The following PLEKHG4B variants were observed in gnomAD, a reference collection of about 807,000 sequenced individuals.
PLEKHG4B encodes the protein pleckstrin homology domain-containing family G member 4B.
Under a neutral mutation model 121.3 loss-of-function variants are expected in PLEKHG4B, and 111 were observed. That is an observed-to-expected ratio of 0.92 (90% CI 0.78 to 1.07). The LOEUF is 1.07. PLEKHG4B is among the 50% of genes least tolerant of loss of function. The probability of loss-of-function intolerance (pLI) is 0.00; values close to 1 mark genes in which losing one functional copy is unlikely to be tolerated. For synonymous variants in PLEKHG4B, 738 were observed against 725.0 expected (o/e 1.02, Z -0.29); for missense variants, 1,831 against 1,757.8 (o/e 1.04, Z -0.74).
intron 14 of PLEKHG4B, 104 bp downstream of exon 14, chr5:169,696 T>C: frequency 6.7e-7 from 1 of 1,498,464 alleles, no homozygotes; most frequent in Non-Finnish European, 8.9e-7. Flanking sequence ...TGGAATAGCT[T>C]CAGTCCAGGT....
In PLEKHG4B at chr5:171,095, A is replaced by C; in HGVS notation, c.3782A>C (p.Asp1261Ala). ...VIYSKNKPQS[D>A]ALLSSHGNAF... ...TACAGCAAAAACAAGCCGCAGTCGGATGCCCTGCTCAGCAGCCATGGCAAC... is the reference window on the plus strand; with the variant it reads ...TACAGCAAAAACAAGCCGCAGTCGGCTGCCCTGCTCAGCAGCCATGGCAAC... The change falls in exon 15 of 20, where the codon GAT (aspartate) becomes GCT (alanine). Residue 1261 changes from aspartate (D) to alanine (A), a missense_variant. Transcript: ENST00000637938. The C allele has an allele frequency of 6.2e-7, 1 of 1,613,568 alleles. No individual in the cohort carries two copies. Among genetic ancestry groups the C allele is most frequent in the Non-Finnish European group, 8.5e-7 (1 of 1,179,920 alleles).
At chr5:141,476 C>A (rs1735201225) in intron 3 of PLEKHG4B, among the ~76,000 whole-genome samples, 1 of 150,320 alleles carries the variant, frequency 6.7e-6, no homozygotes, top group Admixed American at 6.6e-5. Flanking sequence ...GTGGCCTCCT[C>A]CCCAGTGCTT....
intron 1 of PLEKHG4B, among the ~76,000 whole-genome samples, chr5:95,312 C>T (rs1733599807): frequency 6.6e-6 from 1 of 152,048 alleles, no homozygotes; most frequent in Middle Eastern, 3.2e-3. Flanking sequence ...CTGAGCCTGC[C>T]CACATCCACC....
At chr5:95,516 C>T (rs948323219) in intron 1 of PLEKHG4B, among the ~76,000 whole-genome samples, 1 of 152,228 alleles carries the variant, frequency 6.6e-6, no homozygotes, top group Admixed American at 6.5e-5. Flanking sequence ...GCAGCACTGC[C>T]AGTTGCTTCA....
In PLEKHG4B at chr5:171,110, G is replaced by A. The variant is rs1393548958; in HGVS notation, c.3797G>A (p.Ser1266Asn). The A allele has an allele frequency of 2.5e-6, 4 of 1,613,518 alleles. No individual in the cohort carries two copies. The highest frequency in any genetic ancestry group is 3.4e-6 in the Non-Finnish European group (4 of 1,179,870). The change falls in exon 15 of 20, where the codon AGC becomes AAC. Residue 1266 changes from serine to asparagine, a missense_variant. Physicochemically the swap from Ser to Asn is conservative, Grantham distance 46. Coordinates refer to ENST00000637938, the MANE Select transcript of PLEKHG4B (RefSeq NM_052909.5). ...CCGCAGTCGGATGCCCTGCTCAGCA[G>A]CCATGGCAACGCCTTCTTCAAGGTC... ...NKPQSDALLSSHGNAFFKDKQ... is the reference protein window; with the variant it reads ...NKPQSDALLSNHGNAFFKDKQ...
At chr5:111,127 G>T (rs140077741) in intron 1 of PLEKHG4B, among the ~76,000 whole-genome samples, 2 of 152,248 alleles carry the variant, frequency 1.3e-5, no homozygotes, top group Non-Finnish European at 2.9e-5. Flanking sequence ...CCCAGAATCG[G>T]GATGCTGCAG....
At chr5:142,942 T>G (rs1735271101) in intron 3 of PLEKHG4B, 105 bp from the exon 4 acceptor site, 1 of 1,097,890 alleles carries the variant, frequency 9.1e-7, no homozygotes, top group East Asian at 2.4e-5. Flanking sequence ...CCCCCTACTT[T>G]CATGCGTGTT....
intron 1 of PLEKHG4B, among the ~76,000 whole-genome samples, chr5:101,250 T>C (rs2126335341): frequency 8.4e-6 from 1 of 118,876 alleles, no homozygotes; most frequent in South Asian, 2.4e-4. Context: ...AAAAAGTCTG[T>C]AGGGGAGACT....
At chr5:173,205 T>C in intron 17 of PLEKHG4B, 138 bp downstream of exon 17, 1 of 827,720 alleles carries the variant, frequency 1.2e-6, no homozygotes. Flanking sequence ...ATGTTTGTTT[T>C]CTGCGGTTCT....
chr5:168,604 C>T (rs1011401764), intron 13 of PLEKHG4B, among the ~76,000 whole-genome samples: 6 of 152,168 alleles, frequency 3.9e-5, no homozygotes, highest in Admixed American at 6.5e-5. Context: ...CAGCTGGGAA[C>T]GAGAAACCTT....
At chr5:98,837 CTTTT>C (rs925964165) in intron 1 of PLEKHG4B, among the ~76,000 whole-genome samples, 93 of 79,234 alleles carry the variant, frequency 1.2e-3, no homozygotes, top group African/African-American at 4.4e-3. Context: ...TTGAATTTTC[CTTTT>C]TTTTTTTTTT....
At chr5:133,719 G>A (rs546260063) in intron 2 of PLEKHG4B, among the ~76,000 whole-genome samples, 1 of 152,120 alleles carries the variant, frequency 6.6e-6, no homozygotes, top group South Asian at 2.1e-4. Context: ...AAAACAGCGT[G>A]GAGATTCCTT....
chr5:152,822 T>C (rs1735649061), intron 7 of PLEKHG4B, among the ~76,000 whole-genome samples: 1 of 152,172 alleles, frequency 6.6e-6, no homozygotes, highest in South Asian at 2.1e-4. Flanking sequence ...TGGGGGCAGA[T>C]GCTGTTCTTC....
At chr5:143,879 C>T (rs1388867251) in intron 5 of PLEKHG4B, among the ~76,000 whole-genome samples, 1 of 152,222 alleles carries the variant, frequency 6.6e-6, no homozygotes, top group Non-Finnish European at 1.5e-5. Flanking sequence ...AGACACACAA[C>T]TTAATTAGAA....
intron 18 of PLEKHG4B, among the ~76,000 whole-genome samples, chr5:175,512 A>AG (rs1260067554): frequency 3.9e-5 from 6 of 152,038 alleles, no homozygotes; most frequent in African/African-American, 9.7e-5. Flanking sequence ...TCTACCCTAC[A>AG]AGCCCACCCT....
chr5:112,466 G>C (rs1247050442), intron 1 of PLEKHG4B, among the ~76,000 whole-genome samples: 2 of 152,216 alleles, frequency 1.3e-5, no homozygotes, highest in Non-Finnish European at 2.9e-5. Flanking sequence ...CTGCCTTGCA[G>C]TTCTTTTCTA....
chr5:167,786 G>GTGA (rs1488072011), intron 13 of PLEKHG4B, among the ~76,000 whole-genome samples: 2 of 152,254 alleles, frequency 1.3e-5, no homozygotes, highest in African/African-American at 4.8e-5. Context: ...GTTGCTGAGA[G>GTGA]TGACCAGGTG....
intron 3 of PLEKHG4B, 136 bp from the exon 4 acceptor site, chr5:142,911 C>T (rs1005495117): frequency 7.2e-6 from 6 of 835,552 alleles, no homozygotes; most frequent in Admixed American, 4.1e-5. Flanking sequence ...CCCGTGTGAA[C>T]TGGGACAAGT....
intron 2 of PLEKHG4B, among the ~76,000 whole-genome samples, chr5:118,311 G>A (rs920998112): frequency 6.6e-6 from 1 of 152,152 alleles, no homozygotes; most frequent in South Asian, 2.1e-4. Context: ...AAAAGCAGAC[G>A]GGGTAAGCAG....
Sources: allele counts gnomAD v4.1 joint callset (sites outside exome capture counted in the v4.1 genomes callset), GRCh38; gene constraint gnomAD v4.1.1; transcripts MANE v1.5; gene names NCBI Gene and HGNC (gene_info 2026-07-23, HGNC 2026-07-21).